Variants in CAP2 observed in about 807,000 individuals in gnomAD.
The protein encoded by CAP2 is adenylyl cyclase-associated protein 2.
A neutral mutation model predicts 57.7 loss-of-function variants in CAP2; 24 were observed. The observed-to-expected ratio is 0.42, with a 90% CI of 0.30 to 0.58. The LOEUF is 0.58. Among genes scored for constraint, CAP2 ranks in the 20% least tolerant of loss-of-function variants. The probability of loss-of-function intolerance (pLI) is 0.22; values close to 1 mark genes in which losing one functional copy is unlikely to be tolerated. For synonymous variants in CAP2, 194 were observed against 207.2 expected (o/e 0.94, Z 0.55); for missense variants, 501 against 590.3 (o/e 0.85, Z 1.57).
chr6:17,473,908 A>G (rs1044813290), intron 4 of CAP2, among the ~76,000 whole-genome samples: 8 of 152,076 alleles, frequency 5.3e-5, no homozygotes, highest in African/African-American at 1.9e-4. Flanking sequence ...AAATGCAGGC[A>G]CTTCCATAAG....
intron 3 of CAP2, among the ~76,000 whole-genome samples, chr6:17,451,811 A>G (rs891352648): frequency 6.6e-6 from 1 of 152,034 alleles, no homozygotes; most frequent in Non-Finnish European, 1.5e-5. Context: ...CGCCCTGCCC[A>G]GAAAATACTT....
At chr6:17,488,395 G>A (rs942039795) in intron 4 of CAP2, among the ~76,000 whole-genome samples, 2 of 152,200 alleles carry the variant, frequency 1.3e-5, no homozygotes, top group Non-Finnish European at 2.9e-5. Flanking sequence ...AGTCAGACCA[G>A]CAGCCTCACA....
intron 11 of CAP2, among the ~76,000 whole-genome samples, chr6:17,543,624 C>CAAAA (rs66747239): frequency 3.0e-4 from 25 of 83,822 alleles, no homozygotes; most frequent in African/African-American, 4.3e-4. Flanking sequence ...GACTCCATCT[C>CAAAA]AAAAAAAAAA....
chr6:17,455,134 T>G (rs1484076679), intron 3 of CAP2, among the ~76,000 whole-genome samples: 1 of 151,916 alleles, frequency 6.6e-6, no homozygotes, highest in Non-Finnish European at 1.5e-5. Flanking sequence ...GGAACGGCAA[T>G]CTCCCAATAA....
intron 1 of CAP2, among the ~76,000 whole-genome samples, chr6:17,411,774 T>C (rs1338725725): frequency 1.3e-5 from 2 of 152,156 alleles, no homozygotes; most frequent in Non-Finnish European, 2.9e-5. Context: ...AGGTTCTCCA[T>C]GGCTCTTCTT....
In CAP2 at chr6:17,479,911, A is replaced by G. The variant is rs374163658; in HGVS notation, c.300+16838A>G. On this transcript the variant is annotated intron_variant, in intron 4 of 12. Transcript: ENST00000229922. ...ATTACAGGTGTGAGCCACCGCGCCC[A>G]GCTTAATTTTTTTAATATAAGGGTA... Among the ~76,000 whole-genome samples the G allele has an allele frequency of 1.9e-4, 29 of 152,002 alleles. 1 individual carries two copies. In the East Asian group the frequency reaches 4.7e-3, roughly 24 times the overall value.
intron 7 of CAP2, among the ~76,000 whole-genome samples, chr6:17,523,258 C>T (rs1762430620): frequency 6.6e-6 from 1 of 151,966 alleles, no homozygotes; most frequent in African/African-American, 2.4e-5. Flanking sequence ...AAATCTAACA[C>T]AAAATTTCCA....
intron 11 of CAP2, among the ~76,000 whole-genome samples, chr6:17,545,641 G>A (rs1243107490): frequency 1.3e-5 from 2 of 152,118 alleles, no homozygotes; most frequent in African/African-American, 2.4e-5. Flanking sequence ...TTGGTGTGCT[G>A]CACCCATTAA....
intron 11 of CAP2, among the ~76,000 whole-genome samples, chr6:17,547,576 T>C (rs1763073851): frequency 6.6e-6 from 1 of 152,220 alleles, no homozygotes; most frequent in Non-Finnish European, 1.5e-5. Flanking sequence ...GCACGGTGGC[T>C]CACGCCTGTA....
intron 7 of CAP2, chr6:17,536,369 G>A (rs529094778): frequency 4.4e-6 from 2 of 449,794 alleles, no homozygotes; most frequent in Admixed American, 2.4e-5. Context: ...TAATTGAAAA[G>A]TAACCTTGGA....
At chr6:17,405,055 A>G (rs928714489) in intron 1 of CAP2, among the ~76,000 whole-genome samples, 2 of 152,094 alleles carry the variant, frequency 1.3e-5, no homozygotes, top group Non-Finnish European at 2.9e-5. Context: ...TACATATACC[A>G]CGTTTTTTCC....
chr6:17,522,039 G>C (rs900558272), intron 7 of CAP2, among the ~76,000 whole-genome samples: 1 of 152,174 alleles, frequency 6.6e-6, no homozygotes, highest in East Asian at 1.9e-4. Context: ...AACCTGGGAG[G>C]TGGAGGTTGC....
chr6:17,470,314 C>A (rs1248735258), intron 4 of CAP2, among the ~76,000 whole-genome samples: 1 of 152,140 alleles, frequency 6.6e-6, no homozygotes, highest in Non-Finnish European at 1.5e-5. Flanking sequence ...ATAGGGATAA[C>A]AAATAATTCC....
intron 4 of CAP2, 90 bp from the exon 5 acceptor site, chr6:17,507,079 C>T (rs1377657794): frequency 1.5e-6 from 2 of 1,331,342 alleles, no homozygotes; most frequent in African/African-American, 1.5e-5. Flanking sequence ...ACGGCAGGTC[C>T]TGAATTCTCC....
chr6:17,540,510 G>A (rs1762873863), intron 8 of CAP2, among the ~76,000 whole-genome samples: 1 of 151,992 alleles, frequency 6.6e-6, no homozygotes, highest in African/African-American at 2.4e-5. Flanking sequence ...CAGCACTTTG[G>A]GAGGCCAAGG....
intron 4 of CAP2, among the ~76,000 whole-genome samples, chr6:17,494,226 A>G (rs1270511610): frequency 1.3e-5 from 2 of 151,788 alleles, no homozygotes; most frequent in Non-Finnish European, 2.9e-5. Context: ...TCTGCTCAAA[A>G]CTCCATGGTG....
At chr6:17,432,918 C>A (rs1489927805) in intron 3 of CAP2, among the ~76,000 whole-genome samples, 1 of 149,618 alleles carries the variant, frequency 6.7e-6, no homozygotes, top group African/African-American at 2.5e-5. Flanking sequence ...TTTTCTTTTA[C>A]TTCCTTCCTT....
intron 2 of CAP2, among the ~76,000 whole-genome samples, chr6:17,426,231 C>CTTTTTTTTT (rs551759980): frequency 7.1e-6 from 1 of 139,998 alleles, no homozygotes; most frequent in South Asian, 2.3e-4. Flanking sequence ...CCCAGGTTTT[C>CTTTTTTTTT]TTTTTTTTTT....
At chr6:17,465,818 C>T (rs1760850245) in intron 4 of CAP2, among the ~76,000 whole-genome samples, 2 of 152,168 alleles carry the variant, frequency 1.3e-5, no homozygotes, top group South Asian at 2.1e-4. Flanking sequence ...CCTCTAACAA[C>T]CTCCACCTGG....
Sources: allele counts gnomAD v4.1 joint callset (sites outside exome capture counted in the v4.1 genomes callset), GRCh38; gene constraint gnomAD v4.1.1; transcripts MANE v1.5; gene names NCBI Gene and HGNC (gene_info 2026-07-23, HGNC 2026-07-21).